The following PDE8A variants were observed in gnomAD, a reference collection of about 807,000 sequenced individuals.
PDE8A encodes the protein high affinity cAMP-specific and IBMX-insensitive 3',5'-cyclic phosphodiesterase 8A.
A neutral mutation model predicts 105.0 loss-of-function variants in PDE8A; 59 were observed. The ratio of observed to expected loss-of-function variants is 0.56; its 90% CI spans 0.46 to 0.70. The LOEUF (loss-of-function observed/expected upper bound fraction) is 0.70, where lower values mean the gene tolerates loss of function less well. Ranked by LOEUF, PDE8A falls within the 30% of genes least tolerant of loss-of-function variation. The pLI is 0.00. For missense variants in PDE8A, 1,014 were observed against 1,045.9 expected (o/e 0.97, Z 0.42); for synonymous variants, 355 against 371.9 (o/e 0.95, Z 0.52).
At chr15:84,996,129 AT>A (rs1220693940) in intron 1 of PDE8A, among the ~76,000 whole-genome samples, 5 of 151,764 alleles carry the variant, frequency 3.3e-5, no homozygotes, top group South Asian at 2.1e-4. Flanking sequence ...TGCATTGCAA[AT>A]TTTTTTCCTC....
intron 6 of PDE8A, among the ~76,000 whole-genome samples, chr15:85,084,362 CA>C (rs2081516007): frequency 6.6e-6 from 1 of 151,708 alleles, no homozygotes; most frequent in Non-Finnish European, 1.5e-5. Flanking sequence ...ACTTTATAGA[CA>C]AAATGAAATG....
At chr15:85,077,810 T>C (rs2081401074) in intron 5 of PDE8A, among the ~76,000 whole-genome samples, 1 of 152,144 alleles carries the variant, frequency 6.6e-6, no homozygotes, top group South Asian at 2.1e-4. Context: ...AAAAGTGGCA[T>C]AGCAAATTTT....
chr15:85,098,146 T>G, intron 9 of PDE8A, 110 bp downstream of exon 9: 1 of 711,672 alleles, frequency 1.4e-6, no homozygotes, highest in Non-Finnish European at 2.5e-6. Context: ...CAAGGTCAGG[T>G]GTCATCACAG....
chr15:85,058,067 T>C (rs1250728743), intron 1 of PDE8A, among the ~76,000 whole-genome samples: 1 of 152,146 alleles, frequency 6.6e-6, no homozygotes, highest in Non-Finnish European at 1.5e-5. Flanking sequence ...TTACCTAGGC[T>C]GGAATGCAGT....
intron 1 of PDE8A, among the ~76,000 whole-genome samples, chr15:84,994,382 C>T (rs1464917763): frequency 6.6e-6 from 1 of 152,174 alleles, no homozygotes; most frequent in Non-Finnish European, 1.5e-5. Flanking sequence ...CCTAAGTGTA[C>T]AGCTTGATGA....
intron 1 of PDE8A, among the ~76,000 whole-genome samples, chr15:85,034,047 C>T (rs960209155): frequency 6.6e-6 from 1 of 152,082 alleles, no homozygotes; most frequent in Non-Finnish European, 1.5e-5. Flanking sequence ...TGCAACATCT[C>T]CCAGTAGGGT....
chr15:85,042,395 G>T (rs887122697), intron 1 of PDE8A, among the ~76,000 whole-genome samples: 1 of 152,118 alleles, frequency 6.6e-6, no homozygotes, highest in South Asian at 2.1e-4. Flanking sequence ...CTGGGCTCAA[G>T]TGATGCTCCT....
chr15:84,981,149 G>A (rs2079700283), upstream of PDE8A, among the ~76,000 whole-genome samples: 1 of 152,364 alleles, frequency 6.6e-6, no homozygotes, highest in East Asian at 1.9e-4. Flanking sequence ...TTTGGCGGTC[G>A]GGCTTCTGGT....
intron 1 of PDE8A, among the ~76,000 whole-genome samples, chr15:84,982,707 A>G (rs2079737290): frequency 6.6e-6 from 1 of 152,140 alleles, no homozygotes; most frequent in Admixed American, 6.5e-5. Context: ...CCCCCAGGAT[A>G]TTCTGGCGCG....
At chr15:85,127,904 A>G (rs1365773966) in intron 20 of PDE8A, among the ~76,000 whole-genome samples, 1 of 152,176 alleles carries the variant, frequency 6.6e-6, no homozygotes, top group Non-Finnish European at 1.5e-5. Flanking sequence ...AACTTAAAAT[A>G]ATCAAGAAAG....
chr15:85,071,134 A>G (rs1002371986), intron 3 of PDE8A, among the ~76,000 whole-genome samples: 1 of 152,242 alleles, frequency 6.6e-6, no homozygotes, highest in African/African-American at 2.4e-5. Context: ...CGTACCGTGG[A>G]GACTAATAAA....
At chr15:85,068,019 A>T (rs2081256961) in intron 3 of PDE8A, among the ~76,000 whole-genome samples, 1 of 151,382 alleles carries the variant, frequency 6.6e-6, no homozygotes, top group South Asian at 2.1e-4. Flanking sequence ...CTTCACAATA[A>T]GCCATCATCA....
In PDE8A at chr15:85,064,245, A is replaced by G. The variant is rs548125583; in HGVS notation, c.187-125A>G. ...CTCATAATCATTTCATTTATCTACT[A>G]TTTACTTTATTTGCCTCTAGAATAG... On this transcript the variant is annotated intron_variant, in intron 1 of 21. Coordinates refer to ENST00000394553, the MANE Select transcript of PDE8A (RefSeq NM_002605.3). The G allele has an allele frequency of 4.8e-5, 30 of 627,590 alleles. No individual in the cohort carries two copies. In the African/African-American group the frequency reaches 5.3e-4, roughly 11 times the overall value. The allele number at this position is 627,590 out of a possible 1,614,324, so 38.9% of individuals were successfully genotyped here. A position where few individuals can be genotyped will look rare whatever the true frequency, so the allele number is the denominator to read the frequency against.
chr15:85,044,395 G>T (rs1177930925), intron 1 of PDE8A, among the ~76,000 whole-genome samples: 1 of 152,154 alleles, frequency 6.6e-6, no homozygotes. Flanking sequence ...GACAGATAAA[G>T]AGTCTGGGAG....
intron 1 of PDE8A, among the ~76,000 whole-genome samples, chr15:85,045,251 T>G (rs948059721): frequency 2.0e-5 from 3 of 152,246 alleles, no homozygotes; most frequent in Admixed American, 1.3e-4. Context: ...TATTGAATCC[T>G]CAATGCCTAG....
intron 1 of PDE8A, among the ~76,000 whole-genome samples, chr15:85,007,491 A>T (rs976550956): frequency 2.6e-5 from 4 of 151,508 alleles, no homozygotes; most frequent in Non-Finnish European, 5.9e-5. Context: ...AAATAAATCT[A>T]TTAGTACAGT....
chr15:85,016,588 C>G (rs998421997), intron 1 of PDE8A, among the ~76,000 whole-genome samples: 5 of 152,142 alleles, frequency 3.3e-5, no homozygotes, highest in Non-Finnish European at 5.9e-5. Context: ...CAAGGCTATT[C>G]CTCTCTCTTT....
At chr15:85,015,964 C>T (rs1341525207) in intron 1 of PDE8A, among the ~76,000 whole-genome samples, 2 of 152,004 alleles carry the variant, frequency 1.3e-5, no homozygotes, top group African/African-American at 2.4e-5. Context: ...GGCAAAACCT[C>T]GTCTCTATTA....
At chr15:85,083,273 C>T (rs16974819) in intron 5 of PDE8A, among the ~76,000 whole-genome samples, 13,468 of 151,916 alleles carry the variant, frequency 0.089, 1,658 homozygotes, top group African/African-American at 0.28. Flanking sequence ...TGAAAACAAC[C>T]AAAATGCTCT....
Sources: gnomAD v4.1 joint callset for allele counts (sites outside exome capture counted in the v4.1 genomes callset) on GRCh38, gnomAD v4.1.1 for gene constraint, MANE v1.5 for transcripts, NCBI Gene and HGNC (gene_info 2026-07-23, HGNC 2026-07-21) for gene names.